The following MTUS2 variants were observed in gnomAD, a reference collection of about 807,000 sequenced individuals.
MTUS2 encodes the protein microtubule associated scaffold protein 2, also known as microtubule-associated tumor suppressor candidate 2.
A neutral mutation model predicts 114.1 loss-of-function variants in MTUS2; 40 were observed. The ratio of observed to expected loss-of-function variants is 0.35; its 90% CI spans 0.27 to 0.46. The LOEUF (loss-of-function observed/expected upper bound fraction) is 0.46. Ranked by LOEUF, MTUS2 falls within the 20% of genes least tolerant of loss-of-function variation. The pLI, the probability that MTUS2 is intolerant of heterozygous loss-of-function variation, is 1.00. For synonymous variants in MTUS2, 688 were observed against 672.0 expected, an observed-to-expected ratio of 1.02 and a Z score of -0.37; for missense variants, 1,679 against 1,705.4, an observed-to-expected ratio of 0.98 and a Z score of 0.27.
chr13:29,382,385 C>T (rs11842271), intron 8 of MTUS2, among the ~76,000 whole-genome samples: 4,168 of 152,128 alleles, frequency 0.027, 183 homozygotes, highest in African/African-American at 0.094. Flanking sequence ...GGGCCTGGAC[C>T]AGCATGGTGG....
intron 1 of MTUS2, among the ~76,000 whole-genome samples, chr13:28,824,419 G>T (rs1432635192): frequency 6.6e-6 from 1 of 152,136 alleles, no homozygotes; most frequent in Admixed American, 6.5e-5. Context: ...GTGCCATTTA[G>T]CAGTCACAGA....
intron 2 of MTUS2, among the ~76,000 whole-genome samples, chr13:28,889,774 A>G (rs374468854): frequency 1.3e-5 from 2 of 152,140 alleles, no homozygotes; most frequent in East Asian, 1.9e-4. Context: ...AAGAGTCCCT[A>G]AGAGTAGCAA....
intron 9 of MTUS2, among the ~76,000 whole-genome samples, chr13:29,454,724 TG>T (rs1436809188): frequency 6.6e-6 from 1 of 152,260 alleles, no homozygotes; most frequent in Admixed American, 6.5e-5. Context: ...AGTCGTGTGC[TG>T]TATAAATACT....
At chr13:29,489,680 A>G (rs1225257725) in intron 11 of MTUS2, 1 of 152,228 alleles carries the variant, frequency 6.6e-6, no homozygotes, top group African/African-American at 2.4e-5. Flanking sequence ...AGAAGGCTTT[A>G]AAACTCCCTA....
intron 7 of MTUS2, among the ~76,000 whole-genome samples, chr13:29,324,991 T>G (rs901976459): frequency 2.0e-5 from 3 of 152,188 alleles, no homozygotes. Context: ...TAATTTACAA[T>G]TGAAAACACT....
At chr13:28,952,050 GA>G (rs1302241954) in intron 2 of MTUS2, among the ~76,000 whole-genome samples, 1 of 151,600 alleles carries the variant, frequency 6.6e-6, no homozygotes, top group East Asian at 1.9e-4. Flanking sequence ...GATGACCTTT[GA>G]AAAAAAATTC....
intron 5 of MTUS2, among the ~76,000 whole-genome samples, chr13:29,226,550 T>C (rs1896114212): frequency 6.6e-6 from 1 of 152,104 alleles, no homozygotes; most frequent in African/African-American, 2.4e-5. Flanking sequence ...TATTTGTTGT[T>C]TTGATATTTT....
chr13:28,919,359 G>C (rs1020693019), intron 2 of MTUS2, among the ~76,000 whole-genome samples: 4 of 151,900 alleles, frequency 2.6e-5, no homozygotes, highest in African/African-American at 7.3e-5. Context: ...TAGGGTAAAA[G>C]TTTTTTTTCC....
intron 5 of MTUS2, 35 bp downstream of exon 5, chr13:29,101,005 T>A (rs755836885): frequency 6.6e-7 from 1 of 1,504,890 alleles, no homozygotes; most frequent in East Asian, 2.5e-5. Flanking sequence ...GTGCCTTCAC[T>A]GAATTAAAAC....
At chr13:29,315,998 G>T in intron 6 of MTUS2, among the ~76,000 whole-genome samples, 1 of 152,172 alleles carries the variant, frequency 6.6e-6, no homozygotes, top group Non-Finnish European at 1.5e-5. Context: ...AGGTGTCAAA[G>T]AACTGAAAGC....
intron 5 of MTUS2, among the ~76,000 whole-genome samples, chr13:29,177,280 A>C (rs1445738874): frequency 6.6e-6 from 1 of 151,044 alleles, no homozygotes; most frequent in Non-Finnish European, 1.5e-5. Context: ...GTCATACTTA[A>C]AGCTATGAGA....
At chr13:29,299,050 G>A (rs1267905658) in intron 6 of MTUS2, among the ~76,000 whole-genome samples, 3 of 152,284 alleles carry the variant, frequency 2.0e-5, no homozygotes, top group Admixed American at 1.3e-4. Context: ...GTTTGTAGGA[G>A]AATAGAAGCA....
At chr13:29,162,680 G>T (rs1021411817) in intron 5 of MTUS2, among the ~76,000 whole-genome samples, 4 of 152,176 alleles carry the variant, frequency 2.6e-5, no homozygotes, top group Non-Finnish European at 5.9e-5. Flanking sequence ...TGACAATTTT[G>T]CTGTGTTTGA....
chr13:29,083,652 A>G (rs920381432), intron 4 of MTUS2, among the ~76,000 whole-genome samples: 3 of 152,172 alleles, frequency 2.0e-5, no homozygotes, highest in African/African-American at 7.2e-5. Context: ...CATTCATTCC[A>G]AATTTAAGAA....
At chr13:29,360,393 T>C (rs761143519) in intron 8 of MTUS2, among the ~76,000 whole-genome samples, 2 of 152,194 alleles carry the variant, frequency 1.3e-5, no homozygotes, top group African/African-American at 2.4e-5. Context: ...TTTTATGACA[T>C]CCTTCACCTT....
chr13:29,385,954 G>A (rs529945655), intron 8 of MTUS2, among the ~76,000 whole-genome samples: 1 of 152,280 alleles, frequency 6.6e-6, no homozygotes, highest in South Asian at 2.1e-4. Context: ...TTATAATGAA[G>A]CCTATAATAG....
In MTUS2 at chr13:29,188,783, T is replaced by A. The variant is rs1453487428; in HGVS notation, c.2644+87813T>A. Among the ~76,000 whole-genome samples the A allele has an allele frequency of 3.3e-5, 5 of 152,198 alleles. No homozygotes were observed. In the East Asian group the frequency reaches 9.7e-4, roughly 29 times the overall value. On this transcript the variant is annotated intron_variant, in intron 5 of 15. Coordinates refer to ENST00000612955, the MANE Select transcript of MTUS2 (RefSeq NM_001033602.4). ...TCCCTTGCCTACCTCCCCTTCTGAGTAGTAGCCACCCCTCTGCAGTAGCCT... is the reference window on the plus strand; with the variant it reads ...TCCCTTGCCTACCTCCCCTTCTGAGAAGTAGCCACCCCTCTGCAGTAGCCT...
chr13:29,415,198 C>A (rs1875576330), intron 8 of MTUS2, among the ~76,000 whole-genome samples: 1 of 151,806 alleles, frequency 6.6e-6, no homozygotes, highest in African/African-American at 2.4e-5. Context: ...CTAGTATTTT[C>A]TTTGTGATCA....
intron 8 of MTUS2, among the ~76,000 whole-genome samples, chr13:29,421,968 A>G (rs562195183): frequency 6.6e-6 from 1 of 152,336 alleles, no homozygotes; most frequent in South Asian, 2.1e-4. Flanking sequence ...TGTTTCTACT[A>G]TGTCAGTTTT....
Sources: gnomAD v4.1 joint callset for allele counts (sites outside exome capture counted in the v4.1 genomes callset) on GRCh38, gnomAD v4.1.1 for gene constraint, MANE v1.5 for transcripts, NCBI Gene and HGNC (gene_info 2026-07-23, HGNC 2026-07-21) for gene names.